The following DOCK1 variants were observed in gnomAD, a reference collection of about 807,000 sequenced individuals.
DOCK1 encodes dedicator of cytokinesis 1, also known as dedicator of cytokinesis protein 1.
Under a neutral mutation model 262.7 loss-of-function variants are expected in DOCK1, and 138 were observed. That is an observed-to-expected ratio of 0.53 (90% CI 0.46 to 0.61). DOCK1 has a LOEUF of 0.61. Among genes scored for constraint, DOCK1 ranks in the 20% least tolerant of loss-of-function variants. The pLI is 0.00. For synonymous variants in DOCK1, 866 were observed against 867.4 expected (o/e 1.00, Z 0.03); for missense variants, 1,908 against 2,370.7 (o/e 0.80, Z 4.05).
At chr10:126,959,976 A>AT (rs74195433) in intron 1 of DOCK1, among the ~76,000 whole-genome samples, 49,973 of 151,816 alleles carry the variant, frequency 0.33, 9,113 homozygotes, top group East Asian at 0.57. Flanking sequence ...TGCCCGGCTA[A>AT]TTTGTATTTG....
intron 18 of DOCK1, among the ~76,000 whole-genome samples, chr10:127,034,190 A>T (rs2043431040): frequency 6.6e-6 from 1 of 152,238 alleles, no homozygotes; most frequent in Non-Finnish European, 1.5e-5. Context: ...CAATTTACAA[A>T]AGAGAGAGGT....
At chr10:127,260,924 TGG>T (rs1309802636) in intron 29 of DOCK1, among the ~76,000 whole-genome samples, 1 of 142,762 alleles carries the variant, frequency 7.0e-6, no homozygotes, top group Admixed American at 7.0e-5. Context: ...TGTGTGCATG[TGG>T]GTGTGTGTGT....
intron 33 of DOCK1, among the ~76,000 whole-genome samples, chr10:127,369,707 AGT>A (rs1289057215): frequency 3.0e-4 from 46 of 152,280 alleles, no homozygotes; most frequent in Non-Finnish European, 5.9e-5. Flanking sequence ...CAGGCTCATG[AGT>A]GTTTCACAGG....
intron 1 of DOCK1, among the ~76,000 whole-genome samples, chr10:126,962,305 G>A (rs977856239): frequency 1.3e-5 from 2 of 152,130 alleles, no homozygotes; most frequent in Admixed American, 6.5e-5. Flanking sequence ...AACTCCAGGC[G>A]CGTGCCGCCA....
chr10:127,323,127 T>A (rs1479303780), intron 29 of DOCK1, among the ~76,000 whole-genome samples: 1 of 152,194 alleles, frequency 6.6e-6, no homozygotes, highest in Non-Finnish European at 1.5e-5. Flanking sequence ...CTGTGGTGCA[T>A]CTGGCATCCG....
Position 126,907,965 on chromosome 10 carries a change from G to C in DOCK1, c.46+2402G>C, listed in dbSNP as rs560768967. On this transcript the variant is annotated intron_variant, in intron 1 of 51. Transcript: ENST00000623213. Reference sequence around the variant, plus strand: ...GGCGAAAAGTATCTGGGATGGTTTTGCCAGGAAATGCTAGGAAAGATGTGA... The same window carrying C: ...GGCGAAAAGTATCTGGGATGGTTTTCCCAGGAAATGCTAGGAAAGATGTGA... Among the ~76,000 whole-genome samples, 91 of 152,336 alleles carry C rather than the reference G, an allele frequency of 6.0e-4. 1 individual carries two copies. The highest frequency in any genetic ancestry group is 1.7e-3 in the South Asian group (8 of 4,826).
intron 4 of DOCK1, among the ~76,000 whole-genome samples, chr10:126,984,101 A>G (rs1377129426): frequency 1.3e-5 from 2 of 151,978 alleles, no homozygotes; most frequent in Non-Finnish European, 2.9e-5. Context: ...GTGCTGTCCT[A>G]GCCTTCTCCT....
At chr10:127,289,511 A>G (rs781182946) in intron 29 of DOCK1, among the ~76,000 whole-genome samples, 3 of 152,308 alleles carry the variant, frequency 2.0e-5, no homozygotes, top group Non-Finnish European at 4.4e-5. Flanking sequence ...GCAAATGCAT[A>G]TGACAATTTT....
At chr10:127,348,647 G>GTTGTTT in intron 31 of DOCK1, among the ~76,000 whole-genome samples, 1 of 152,110 alleles carries the variant, frequency 6.6e-6, no homozygotes. Context: ...GGGTGGGTGG[G>GTTGTTT]TTGTTTTTGT....
chr10:127,099,103 A>G (rs35737679), intron 23 of DOCK1, among the ~76,000 whole-genome samples: 34,260 of 151,986 alleles, frequency 0.23, 5,455 homozygotes, highest in African/African-American at 0.46. Context: ...TGGCTAATCA[A>G]ACTGGATGGG....
chr10:127,289,469 G>T (rs1370928813), intron 29 of DOCK1, among the ~76,000 whole-genome samples: 1 of 152,158 alleles, frequency 6.6e-6, no homozygotes, highest in Non-Finnish European at 1.5e-5. Flanking sequence ...CTTCATGATA[G>T]ATTCTTTGCA....
chr10:127,152,161 A>G (rs952985667), intron 27 of DOCK1, among the ~76,000 whole-genome samples: 7 of 152,164 alleles, frequency 4.6e-5, no homozygotes, highest in African/African-American at 1.7e-4. Flanking sequence ...AAACTAACAG[A>G]AGCTGAACTC....
chr10:127,277,555 C>G (rs1389893904), intron 29 of DOCK1, among the ~76,000 whole-genome samples: 1 of 151,970 alleles, frequency 6.6e-6, no homozygotes, highest in South Asian at 2.1e-4. Context: ...GTCAGGAGTT[C>G]GAGACCAGGC....
Position 127,390,211 on chromosome 10 carries a change from T to C in DOCK1, c.3927+5302T>C, listed in dbSNP as rs1243171719. 2.0e-5 allele frequency among the ~76,000 whole-genome samples: 3 copies of C among 152,144 alleles called. No individual in the cohort carries two copies. The South Asian group carries it at 6.2e-4, about 32-fold the overall frequency. On this transcript the variant is annotated intron_variant, in intron 38 of 51. Coordinates refer to ENST00000623213, the MANE Select transcript of DOCK1 (RefSeq NM_001290223.2). Reference sequence around the variant, plus strand: ...CATTACTCAGTCTCAGATATTTCTTTAAGCCCTCTGAGCAGCTGAGCACCA... The same window carrying C: ...CATTACTCAGTCTCAGATATTTCTTCAAGCCCTCTGAGCAGCTGAGCACCA...
At chr10:127,147,298 T>C (rs1171360048) in intron 27 of DOCK1, among the ~76,000 whole-genome samples, 1 of 152,182 alleles carries the variant, frequency 6.6e-6, no homozygotes, top group East Asian at 1.9e-4. Context: ...GTGCCCTGGC[T>C]GTTTGTCCTC....
At chr10:126,942,173 G>A (rs1314847763) in intron 1 of DOCK1, among the ~76,000 whole-genome samples, 5 of 152,048 alleles carry the variant, frequency 3.3e-5, no homozygotes, top group Non-Finnish European at 4.4e-5. Flanking sequence ...ACAGGCGCCC[G>A]CCACCACGCC....
chr10:127,222,763 T>G (rs2058487961), intron 27 of DOCK1, among the ~76,000 whole-genome samples: 1 of 129,434 alleles, frequency 7.7e-6, no homozygotes, highest in Admixed American at 7.9e-5. Flanking sequence ...CCTCCTAGGC[T>G]AAAGTGATTC....
intron 13 of DOCK1, among the ~76,000 whole-genome samples, chr10:127,020,803 C>T (rs921396362): frequency 7.9e-5 from 12 of 152,236 alleles, no homozygotes; most frequent in African/African-American, 2.4e-4. Flanking sequence ...CAGTCTGTCT[C>T]GCTGTCTTTA....
intron 38 of DOCK1, among the ~76,000 whole-genome samples, chr10:127,387,426 T>A (rs2066189093): frequency 6.6e-6 from 1 of 152,224 alleles, no homozygotes; most frequent in Admixed American, 6.5e-5. Context: ...GGCTACCTGT[T>A]ACTTTGTGGT....
Sources: allele counts gnomAD v4.1 joint callset (sites outside exome capture counted in the v4.1 genomes callset), GRCh38; gene constraint gnomAD v4.1.1; transcripts MANE v1.5; gene names NCBI Gene and HGNC (gene_info 2026-07-23, HGNC 2026-07-21).